SORCS1: variants seen among roughly 807,000 people sequenced by gnomAD.
The protein encoded by SORCS1 is sortilin related VPS10 domain containing receptor 1, also known as VPS10 domain-containing receptor SorCS1.
A neutral mutation model predicts 146.1 loss-of-function variants in SORCS1; 60 were observed. The observed-to-expected ratio is 0.41, with a 90% CI of 0.33 to 0.51. The LOEUF (loss-of-function observed/expected upper bound fraction) is 0.51, where lower values mean the gene tolerates loss of function less well. SORCS1 is among the 20% of genes least tolerant of loss of function. The probability of loss-of-function intolerance (pLI) is 0.21; values close to 1 mark genes in which losing one functional copy is unlikely to be tolerated. For missense variants in SORCS1, 1,352 were observed against 1,487.6 expected (o/e 0.91, Z 1.50); for synonymous variants, 637 against 584.0 (o/e 1.09, Z -1.31).
At chr10:106,650,526 G>A (rs962171069) in intron 18 of SORCS1, among the ~76,000 whole-genome samples, 1 of 152,114 alleles carries the variant, frequency 6.6e-6, no homozygotes, top group Non-Finnish European at 1.5e-5. Flanking sequence ...GAGGAAAAAG[G>A]CCCTGTATGT....
chr10:106,770,600 A>C (rs1288852863), intron 4 of SORCS1, among the ~76,000 whole-genome samples: 1 of 152,194 alleles, frequency 6.6e-6, no homozygotes, highest in Non-Finnish European at 1.5e-5. Context: ...GATGAGGTTT[A>C]TTTGTCCTAT....
intron 4 of SORCS1, among the ~76,000 whole-genome samples, chr10:106,767,196 C>T (rs144583027): frequency 1.3e-5 from 2 of 152,150 alleles, no homozygotes; most frequent in African/African-American, 4.8e-5. Flanking sequence ...GAAGGCTGGG[C>T]AGGAATGATG....
chr10:106,662,942 T>C (rs1398053277), intron 17 of SORCS1, among the ~76,000 whole-genome samples: 2 of 152,170 alleles, frequency 1.3e-5, no homozygotes, highest in African/African-American at 2.4e-5. Context: ...GGGAGAGATG[T>C]GGCAATGTCT....
intron 1 of SORCS1, among the ~76,000 whole-genome samples, chr10:107,089,210 C>T (rs1037273928): frequency 7.2e-5 from 11 of 152,002 alleles, no homozygotes; most frequent in African/African-American, 2.7e-4. Flanking sequence ...TTGCTGGCGT[C>T]TTTGTTAAGG....
intron 10 of SORCS1, among the ~76,000 whole-genome samples, chr10:106,680,027 C>A (rs1424134096): frequency 6.6e-6 from 1 of 152,100 alleles, no homozygotes; most frequent in Admixed American, 6.6e-5. Flanking sequence ...GGCATGAGAT[C>A]CTTCCATTAA....
At chr10:106,795,229 C>T (rs940315326) in intron 3 of SORCS1, among the ~76,000 whole-genome samples, 8 of 152,036 alleles carry the variant, frequency 5.3e-5, no homozygotes, top group Admixed American at 3.3e-4. Context: ...CATCCTACAG[C>T]AAGAAGAGTC....
At chr10:106,938,127 G>A (rs1024990832) in intron 2 of SORCS1, among the ~76,000 whole-genome samples, 4 of 152,136 alleles carry the variant, frequency 2.6e-5, no homozygotes, top group African/African-American at 9.7e-5. Context: ...CAGAAGAGAA[G>A]AGGATGTAGA....
chr10:106,840,080 A>G (rs1041133508), intron 2 of SORCS1, among the ~76,000 whole-genome samples: 1 of 152,202 alleles, frequency 6.6e-6, no homozygotes, highest in Non-Finnish European at 1.5e-5. Flanking sequence ...TACTCCATGG[A>G]TCAAGGAGTA....
At chr10:106,935,725 T>C (rs1953679372) in intron 2 of SORCS1, among the ~76,000 whole-genome samples, 1 of 152,160 alleles carries the variant, frequency 6.6e-6, no homozygotes, top group African/African-American at 2.4e-5. Context: ...TTGCCCAAGA[T>C]CACACAATTA....
intron 3 of SORCS1, among the ~76,000 whole-genome samples, 185 bp downstream of exon 3, chr10:106,829,389 T>C (rs1948441488): frequency 2.0e-5 from 3 of 152,294 alleles, no homozygotes; most frequent in Non-Finnish European, 2.9e-5. Flanking sequence ...CCCTCTTACA[T>C]TCACAGCTGC....
At chr10:107,111,600 T>C (rs1290183906) in intron 1 of SORCS1, among the ~76,000 whole-genome samples, 1 of 152,154 alleles carries the variant, frequency 6.6e-6, no homozygotes, top group Non-Finnish European at 1.5e-5. Context: ...TGTACAAATA[T>C]ATAAACTGTG....
At chr10:106,871,579 A>T (rs996846074) in intron 2 of SORCS1, among the ~76,000 whole-genome samples, 6 of 152,218 alleles carry the variant, frequency 3.9e-5, no homozygotes, top group African/African-American at 1.4e-4. Flanking sequence ...GGACAAGATC[A>T]TGTCTTTTAG....
At chr10:106,957,896 C>T (rs61339003) in intron 1 of SORCS1, among the ~76,000 whole-genome samples, 8,494 of 152,156 alleles carry the variant, frequency 0.056, 691 homozygotes, top group African/African-American at 0.17. Context: ...TTTTGTCTGA[C>T]GCCAGAAGAG....
At chr10:106,620,341 G>A (rs1404453718) in intron 20 of SORCS1, 87 bp downstream of exon 20, 1 of 1,527,286 alleles carries the variant, frequency 6.5e-7, no homozygotes, top group African/African-American at 1.4e-5. Context: ...ACACTCTAGG[G>A]TTCATAAGCC....
chr10:107,018,797 A>G (rs1167775793), intron 1 of SORCS1, among the ~76,000 whole-genome samples: 2 of 152,208 alleles, frequency 1.3e-5, no homozygotes, highest in African/African-American at 2.4e-5. Context: ...TTCTTTTATA[A>G]TAACTTTTTG....
At chr10:107,129,413 T>C (rs1004893628) in intron 1 of SORCS1, among the ~76,000 whole-genome samples, 3 of 152,152 alleles carry the variant, frequency 2.0e-5, no homozygotes, top group Non-Finnish European at 4.4e-5. Flanking sequence ...TTGGGCTCAA[T>C]TGCTCACTGG....
At chr10:106,688,047 T>C in intron 10 of SORCS1, 145 bp downstream of exon 10, 1 of 1,092,496 alleles carries the variant, frequency 9.2e-7, no homozygotes, top group Non-Finnish European at 1.3e-6. Flanking sequence ...CTGTGAGTTT[T>C]CTACACCCTT....
intron 1 of SORCS1, among the ~76,000 whole-genome samples, chr10:107,113,718 AGAACTGAAACAACCTATT>A (rs1965846444): frequency 6.6e-6 from 1 of 151,468 alleles, no homozygotes; most frequent in South Asian, 2.1e-4. Flanking sequence ...AGGAAAAGAA[AGAACTGAAACAACCTATT>A]GTTACACCTC....
rs187142279 is a variant in SORCS1, at chr10:106,960,844, G to C, written c.559-4264C>G. On this transcript the variant is annotated intron_variant, in intron 1 of 25. Transcript: ENST00000263054. The surrounding 1 kb of genome is among the most constrained non-coding windows in gnomAD (Gnocchi z 4.4). ...AATGGGAGAGGGTCCAAGGGAGTGG[G>C]CAAGGGCTTCTTCTCCCACAGCACT... Among the ~76,000 whole-genome samples, 63 of 152,236 alleles carry C rather than the reference G, an allele frequency of 4.1e-4. No homozygotes were observed. The highest frequency in any genetic ancestry group is 1.4e-3 in the African/African-American group (58 of 41,514).
Sources: allele counts gnomAD v4.1 joint callset (sites outside exome capture counted in the v4.1 genomes callset), GRCh38; gene constraint gnomAD v4.1.1; non-coding constraint Gnocchi (gnomAD v3.1); transcripts MANE v1.5; gene names NCBI Gene and HGNC (gene_info 2026-07-23, HGNC 2026-07-21).